The following CPAMD8 variants were observed in gnomAD, a reference collection of about 807,000 sequenced individuals.
CPAMD8 encodes C3 and PZP like alpha-2-macroglobulin domain containing 8.
A neutral mutation model predicts 224.7 loss-of-function variants in CPAMD8; 146 were observed. The ratio of observed to expected loss-of-function variants is 0.65; its 90% confidence interval spans 0.57 to 0.75. The LOEUF is 0.75. Ranked by LOEUF, CPAMD8 falls within the 30% of genes least tolerant of loss-of-function variation. The probability of loss-of-function intolerance (pLI) is 0.00; values close to 1 mark genes in which losing one functional copy is unlikely to be tolerated. For synonymous variants in CPAMD8, 966 were observed against 1,044.6 expected, an observed-to-expected ratio of 0.92 and a Z score of 1.45; for missense variants, 2,301 against 2,537.5, an observed-to-expected ratio of 0.91 and a Z score of 2.00.
In CPAMD8 at chr19:17,000,411, C is replaced by T. The variant is rs1282479243; in HGVS notation, c.867+3G>A. On this transcript the variant is annotated splice_donor_region_variant and intron_variant, in intron 10 of 41. Transcript: ENST00000443236. ...GGGGGTAGAAGGGGTCCCTGTTTCT[C>T]ACCTTGGTTGTTCTGAGGACAGGGC... 7.9e-7 allele frequency: 1 copy of T among 1,272,268 alleles called. No individual in the cohort carries two copies. Among genetic ancestry groups the T allele is most frequent in the East Asian group, 2.3e-5 (1 of 43,338 alleles). The allele number at this position is 1,272,268 out of a possible 1,614,324, so 78.8% of individuals were successfully genotyped here.
chr19:16,996,817 T>TAAAA (rs11332531), intron 11 of CPAMD8, among the ~76,000 whole-genome samples: 2 of 108,338 alleles, frequency 1.8e-5, no homozygotes, highest in South Asian at 6.2e-4. Context: ...TGACTATCTC[T>TAAAA]AAAAAAAAAA....
chr19:16,922,648 G>A (rs113210066), intron 26 of CPAMD8, among the ~76,000 whole-genome samples: 1,636 of 141,992 alleles, frequency 0.012, 29 homozygotes, highest in African/African-American at 0.041. Context: ...GGAGTCCCTG[G>A]AACTGCTCCA....
intron 18 of CPAMD8, among the ~76,000 whole-genome samples, chr19:16,964,183 T>C (rs549964818): frequency 6.6e-5 from 10 of 151,984 alleles, no homozygotes; most frequent in African/African-American, 2.4e-4. Context: ...AAGAAATAAC[T>C]AAGGTCAGAG....
chr19:17,005,201 C>T (rs2056453403), intron 7 of CPAMD8, among the ~76,000 whole-genome samples: 1 of 151,972 alleles, frequency 6.6e-6, no homozygotes. Context: ...GCCAATATCG[C>T]CCCTAGGGGG....
intron 40 of CPAMD8, 44 bp from the exon 41 acceptor site, chr19:16,896,370 G>A (rs1042330580): frequency 6.5e-7 from 1 of 1,548,772 alleles, no homozygotes; most frequent in Non-Finnish European, 8.7e-7. Context: ...GGCGGGGAGG[G>A]GACCCAAGGG....
chr19:16,911,869 G>T (rs1055172499), intron 29 of CPAMD8, among the ~76,000 whole-genome samples: 2 of 152,072 alleles, frequency 1.3e-5, no homozygotes, highest in Non-Finnish European at 2.9e-5. Context: ...AGTAGAGACA[G>T]GGTTTCATCA....
chr19:16,984,333 AGAGAG>A (rs2055635921), intron 13 of CPAMD8, among the ~76,000 whole-genome samples: 15 of 88,818 alleles, frequency 1.7e-4, no homozygotes, highest in Non-Finnish European at 2.7e-4. Flanking sequence ...AAAAAAAAAG[AGAGAG>A]AGAGAGAGAG....
At chr19:16,963,316 C>G (rs1599793462) in intron 18 of CPAMD8, among the ~76,000 whole-genome samples, 1 of 152,102 alleles carries the variant, frequency 6.6e-6, no homozygotes, top group Non-Finnish European at 1.5e-5. Context: ...TGCAGAGACA[C>G]ACATAGTCTC....
chr19:16,944,937 C>A (rs1324688903), intron 22 of CPAMD8, among the ~76,000 whole-genome samples: 1 of 152,160 alleles, frequency 6.6e-6, no homozygotes, highest in Non-Finnish European at 1.5e-5. Context: ...CTGATGTGTC[C>A]AAGCAGCCAA....
chr19:16,951,697 G>T (rs571843948), intron 20 of CPAMD8, among the ~76,000 whole-genome samples: 1 of 151,972 alleles, frequency 6.6e-6, no homozygotes, highest in Non-Finnish European at 1.5e-5. Context: ...ACACACATGC[G>T]TCCCCACCTC....
At chr19:17,013,916 T>TTCCC (rs2056735524) in intron 3 of CPAMD8, among the ~76,000 whole-genome samples, 2 of 146,248 alleles carry the variant, frequency 1.4e-5, no homozygotes. Context: ...TCACTACACA[T>TTCCC]TCCCTCCCTC....
At chr19:17,002,432 T>C (rs946603221) in intron 8 of CPAMD8, 82 bp from the exon 9 acceptor site, 2 of 868,814 alleles carry the variant, frequency 2.3e-6, no homozygotes, top group Non-Finnish European at 3.8e-6. Flanking sequence ...GCAAGGTGTC[T>C]GAGGACCACA....
rs1431972921 is a variant in CPAMD8, at chr19:16,969,358, A to G, written c.2213+1533T>C. ...ACAACTGGGAAGGAGTGTGACTGAC[A>G]TCTAGTGGGTGGAGGTCAGGGATGC... is the stretch of plus-strand genomic sequence containing the variant. On this transcript the variant is annotated intron_variant, in intron 18 of 41. Transcript: ENST00000443236. Among the ~76,000 whole-genome samples the G allele has an allele frequency of 3.3e-5, 5 of 152,268 alleles. 1 individual carries two copies. In the East Asian group the frequency reaches 9.7e-4, roughly 29 times the overall value.
intron 18 of CPAMD8, among the ~76,000 whole-genome samples, chr19:16,968,376 G>A (rs1051267285): frequency 6.6e-6 from 1 of 152,154 alleles, no homozygotes; most frequent in Non-Finnish European, 1.5e-5. Flanking sequence ...AGACGGAGGG[G>A]CACAAGAAGG....
intron 11 of CPAMD8, 147 bp downstream of exon 11, chr19:16,996,964 C>A: frequency 1.6e-6 from 1 of 641,234 alleles, no homozygotes; most frequent in South Asian, 1.8e-5. Flanking sequence ...CTGCCCCTCA[C>A]CTGGAACACC....
intron 13 of CPAMD8, among the ~76,000 whole-genome samples, chr19:16,982,468 G>A (rs1244653596): frequency 4.6e-5 from 7 of 151,904 alleles, no homozygotes; most frequent in African/African-American, 1.5e-4. Context: ...CCCCCTAAAG[G>A]AAGAATCTGC....
At chr19:16,995,429 TCTCA>T (rs71180348) in intron 11 of CPAMD8, among the ~76,000 whole-genome samples, 33,663 of 151,976 alleles carry the variant, frequency 0.22, 4,219 homozygotes, top group African/African-American at 0.34. Flanking sequence ...TGAGACGAAG[TCTCA>T]CTCTGTCTCC....
chr19:16,930,362 G>A (rs11086047), intron 23 of CPAMD8, among the ~76,000 whole-genome samples: 12,568 of 152,176 alleles, frequency 0.083, 672 homozygotes, highest in South Asian at 0.15. Context: ...TGAGTATCAG[G>A]AAACATAAAT....
chr19:16,938,418 T>A lies in CPAMD8; in HGVS notation c.2822A>T (p.Tyr941Phe). The A allele has an allele frequency of 5.1e-6, 8 of 1,574,608 alleles. No homozygotes were observed. The highest frequency in any genetic ancestry group is 6.9e-6 in the Non-Finnish European group (8 of 1,163,182). Reference protein sequence around the residue: ...EAEGVPRAYTYSAFFCPSERV... With the variant: ...EAEGVPRAYTFSAFFCPSERV... ...ACCACTGGGACAGAAGAATGCGCTG[T>A]AGGTGTACGCCCGGGGGACTCCTTC... The change falls in exon 23 of 42, where the codon TAC becomes TTC. Residue 941 changes from tyrosine (Y) to phenylalanine (F), a missense_variant. Physicochemically the swap from Tyr to Phe is conservative, Grantham distance 22. Transcript: ENST00000443236.
Sources: gnomAD v4.1 joint callset for allele counts (sites outside exome capture counted in the v4.1 genomes callset) on GRCh38, gnomAD v4.1.1 for gene constraint, MANE v1.5 for transcripts, NCBI Gene and HGNC (gene_info 2026-07-23, HGNC 2026-07-21) for gene names.